The following TCTN1 variants were observed in gnomAD, a reference collection of about 807,000 sequenced individuals.
The protein encoded by TCTN1 is tectonic family member 1.
A neutral mutation model predicts 65.8 loss-of-function variants in TCTN1; 58 were observed. The observed-to-expected ratio is 0.88, with a 90% CI of 0.71 to 1.10. The LOEUF (loss-of-function observed/expected upper bound fraction) is 1.10, where lower values mean the gene tolerates loss of function less well. TCTN1 is among the 50% of genes least tolerant of loss of function. The pLI is 0.00. For missense variants in TCTN1, 645 were observed against 719.4 expected (o/e 0.90, Z 1.18); for synonymous variants, 273 against 289.1 (o/e 0.94, Z 0.57).
rs757833060 is a variant in TCTN1 at position 110,647,353 on chromosome 12, T to G, written c.1635+17T>G. Reference sequence around the variant, plus strand: ...TTTCCTGAGGTAGGCCTAACCTAGTTTAAAGGCATAGGTTAAGACAGAAGT... The same window carrying G: ...TTTCCTGAGGTAGGCCTAACCTAGTGTAAAGGCATAGGTTAAGACAGAAGT... On this transcript the variant is annotated intron_variant, in intron 13 of 14. Transcript: ENST00000397659. 2 of 1,614,120 alleles carry G rather than the reference T, an allele frequency of 1.2e-6. No homozygotes were observed. Among genetic ancestry groups the G allele is most frequent in the Admixed American group, 3.3e-5 (2 of 60,018 alleles).
intron 1 of TCTN1, among the ~76,000 whole-genome samples, chr12:110,614,785 G>T (rs1327471223): frequency 1.3e-5 from 2 of 152,156 alleles, no homozygotes; most frequent in Non-Finnish European, 2.9e-5. Context: ...GAGGCCAAAG[G>T]TCTATCTTAC....
chr12:110,632,729 T>A, intron 5 of TCTN1, 170 bp downstream of exon 5: 2 of 670,038 alleles, frequency 3.0e-6, no homozygotes, highest in Non-Finnish European at 5.2e-6. Flanking sequence ...GCCTCGTAAC[T>A]AAAAACAGAA....
chr12:110,616,257 T>TA lies in TCTN1; in HGVS notation c.220+1855_220+1856insA, dbSNP rs202172242. 2,119 of 411,950 alleles carry TA rather than the reference T, an allele frequency of 5.1e-3. 63 individuals are homozygous for TA. In the East Asian group the frequency reaches 0.13, roughly 26 times the overall value. 25.5% of individuals were successfully genotyped at this position (411,950 alleles called of 1,614,324 possible). A position where few individuals can be genotyped will look rare whatever the true frequency, so the allele number is the denominator to read the frequency against. ...TTTGTGCTTGTCCTCACACTTTATT[T>TA]TTTTTTTTTTTGGTCACAGGGTCTC... On this transcript the variant is annotated intron_variant, in intron 1 of 14. Transcript: ENST00000397659.
At chr12:110,632,669 T>G in intron 5 of TCTN1, 110 bp downstream of exon 5, 3 of 1,079,442 alleles carry the variant, frequency 2.8e-6, no homozygotes, top group Non-Finnish European at 4.2e-6. Flanking sequence ...ATCGCAATTA[T>G]TTTTGCACCA....
At chr12:110,641,661 T>G (rs2066961371) in intron 10 of TCTN1, 34 bp downstream of exon 10, 1 of 1,589,022 alleles carries the variant, frequency 6.3e-7, no homozygotes, top group African/African-American at 1.3e-5. Flanking sequence ...GGTGGATTTA[T>G]TTCTCTCTCC....
chr12:110,632,347 C>T, intron 4 of TCTN1, 125 bp from the exon 5 acceptor site: 1 of 913,560 alleles, frequency 1.1e-6, no homozygotes, highest in Non-Finnish European at 1.8e-6. Flanking sequence ...AGGACCACAT[C>T]TGTTTTTTGC....
At chr12:110,621,600 C>T (rs773389964) in intron 2 of TCTN1, among the ~76,000 whole-genome samples, 3 of 151,738 alleles carry the variant, frequency 2.0e-5, no homozygotes, top group Non-Finnish European at 4.4e-5. Flanking sequence ...AGCCTCCCAA[C>T]GAGCTGGGAC....
rs2067674429 is a variant in TCTN1, at chr12:110,649,420, TCAC to T, written c.*382_*384del. The T allele has an allele frequency of 6.2e-7, 1 of 1,609,074 alleles. No homozygotes were observed. The highest frequency in any genetic ancestry group is 1.1e-5 in the South Asian group (1 of 90,228). On this transcript the variant is annotated 3_prime_UTR_variant, in exon 15 of 15. Coordinates refer to ENST00000397659, the MANE Select transcript of TCTN1 (RefSeq NM_001082538.3). ...GGAGCTGGTCCGGGTCTAGTTCACT[TCAC>T]CAAGAAGTCCATGCTGTCGCAATAG...
In TCTN1 at chr12:110,636,497, A is replaced by T; in HGVS notation, c.839A>T (p.Lys280Ile). 7.4e-7 allele frequency: 1 copy of T among 1,354,922 alleles called. No individual in the cohort carries two copies. The highest frequency in any genetic ancestry group is 1.7e-5 in the Admixed American group (1 of 57,514). 83.9% of individuals were successfully genotyped at this position (1,354,922 alleles called of 1,614,324 possible). A position where few individuals can be genotyped will look rare whatever the true frequency, so the allele number is the denominator to read the frequency against. The part of the protein sequence containing the change: ...PEILRVPDSR[K>I]KVPITVQSIV... ...TTTATCTAGGTACCTGATTCAAGAA[A>T]AAAGGTAAGAGTATTTATTTATTTT... The change falls in exon 7 of 15, where the codon AAA (lysine) becomes ATA (isoleucine). Residue 280 changes from lysine (K) to isoleucine (I), a missense_variant. Transcript: ENST00000397659.
At chr12:110,645,474 T>A in intron 12 of TCTN1, 1 of 350,388 alleles carries the variant, frequency 2.9e-6, no homozygotes, top group East Asian at 7.3e-5. Context: ...CTCATCCTGT[T>A]GCTACCATCA....
chr12:110,619,172 T>G (rs1233022659), intron 1 of TCTN1, among the ~76,000 whole-genome samples: 4 of 150,808 alleles, frequency 2.7e-5, no homozygotes, highest in African/African-American at 9.9e-5. Flanking sequence ...GAGCCGAAAC[T>G]CCTTTAAAAA....
At position 110,636,436 on chromosome 12, in the gene TCTN1, T is replaced by G; in HGVS notation, c.823-45T>G. On this transcript the variant is annotated intron_variant, in intron 6 of 14. Coordinates refer to ENST00000397659, the MANE Select transcript of TCTN1 (RefSeq NM_001082538.3). ...CTGAAAAAGCAATGAAAATACTTCT[T>G]TTTGTTGTACTTAACACAATTTTTT... 4 of 1,292,414 alleles carry G rather than the reference T, an allele frequency of 3.1e-6. No individual in the cohort carries two copies. In the South Asian group the frequency reaches 4.7e-5, roughly 15 times the overall value. The allele number at this position is 1,292,414 out of a possible 1,614,324, so 80.1% of individuals were successfully genotyped here.
At chr12:110,624,178 TC>T (rs1565965926) in intron 2 of TCTN1, among the ~76,000 whole-genome samples, 1 of 149,364 alleles carries the variant, frequency 6.7e-6, no homozygotes, top group Non-Finnish European at 1.5e-5. Context: ...TGCCATGGCC[TC>T]CCAAAGTACT....
chr12:110,630,254 T>C (rs1477310371), intron 4 of TCTN1: 1 of 152,242 alleles, frequency 6.6e-6, no homozygotes, highest in Non-Finnish European at 1.5e-5. Context: ...ATTTGAATTC[T>C]GAATAGAGGA....
chr12:110,647,072 T>C, intron 12 of TCTN1, 124 bp from the exon 13 acceptor site: 1 of 1,164,668 alleles, frequency 8.6e-7, no homozygotes, highest in Admixed American at 2.0e-5. Flanking sequence ...TTATCTGAAC[T>C]TGTAGAGTCT....
intron 3 of TCTN1, chr12:110,627,761 C>T (rs761316479): frequency 2.3e-6 from 1 of 441,602 alleles, no homozygotes; most frequent in South Asian, 6.1e-5. Flanking sequence ...TTATTTTTAT[C>T]TGAGCATTTA....
Position 110,644,041 on chromosome 12 carries a change from C to T in TCTN1, c.1332-926C>T, listed in dbSNP as rs1161468150. The T allele has an allele frequency of 6.6e-6, 1 of 152,206 alleles. No homozygotes were observed. The highest frequency in any genetic ancestry group is 6.5e-5 in the Admixed American group (1 of 15,282). The allele number at this position is 152,206 out of a possible 1,614,324, so 9.4% of individuals were successfully genotyped here. ...CAAAGGGAGAGGGTTCCATGGAATACATTTCCACAAGACATCAGTAGGGGT... is the reference window on the plus strand; with the variant it reads ...CAAAGGGAGAGGGTTCCATGGAATATATTTCCACAAGACATCAGTAGGGGT... On this transcript the variant is annotated intron_variant, in intron 11 of 14. Transcript: ENST00000397659. This position sits in a 1 kb window ranked among gnomAD's most constrained non-coding sequence, Gnocchi z 4.6.
rs746566923 is a variant in TCTN1 at position 110,614,151 on chromosome 12, A to T, written c.-32A>T. 6 of 1,545,872 alleles carry T rather than the reference A, an allele frequency of 3.9e-6. No homozygotes were observed. Among genetic ancestry groups the T allele is most frequent in the Non-Finnish European group, 5.2e-6 (6 of 1,146,792 alleles). ...GCGGTTGCCGGGCAACGCGCTGTCCATGTCGCGGGCCTCGCTGGGACTCCC... is the reference window on the plus strand; with the variant it reads ...GCGGTTGCCGGGCAACGCGCTGTCCTTGTCGCGGGCCTCGCTGGGACTCCC... On this transcript the variant is annotated 5_prime_UTR_variant, in exon 1 of 15. It removes an upstream start codon present in the reference 5' UTR. Coordinates refer to ENST00000397659, the MANE Select transcript of TCTN1 (RefSeq NM_001082538.3).
rs142951849 is a variant in TCTN1, at chr12:110,639,903, G to A, written c.844-480G>A. Among the ~76,000 whole-genome samples, 494 of 152,216 alleles carry A rather than the reference G, an allele frequency of 3.2e-3. 5 individuals carry two copies. Among genetic ancestry groups the A allele is most frequent in the African/African-American group, 0.011 (477 of 41,518 alleles). On this transcript the variant is annotated intron_variant, in intron 7 of 14. Coordinates refer to ENST00000397659, the MANE Select transcript of TCTN1 (RefSeq NM_001082538.3). This position sits in a 1 kb window ranked among gnomAD's most constrained non-coding sequence, Gnocchi z 4.9. ...ATGGGTTTGCCTATTTGGACATTCCGTATAAATGGAATTAGAACTGTGGCC... is the reference window on the plus strand; with the variant it reads ...ATGGGTTTGCCTATTTGGACATTCCATATAAATGGAATTAGAACTGTGGCC...
Sources: gnomAD v4.1 joint callset for allele counts (sites outside exome capture counted in the v4.1 genomes callset) on GRCh38, gnomAD v4.1.1 for gene constraint, Gnocchi (gnomAD v3.1) non-coding constraint, MANE v1.5 for transcripts, NCBI Gene and HGNC (gene_info 2026-07-23, HGNC 2026-07-21) for gene names.